NINJ2: variants seen among roughly 807,000 people sequenced by gnomAD.
NINJ2 encodes the protein ninjurin 2.
Under a neutral mutation model 11.7 loss-of-function variants are expected in NINJ2, and 12 were observed. That is an observed-to-expected ratio of 1.02 (90% CI 0.66 to 1.66). NINJ2 has a LOEUF of 1.66. Ranked by LOEUF, NINJ2 falls within the 40% of genes most tolerant of loss-of-function variation. The probability of loss-of-function intolerance (pLI) is 0.00; values close to 1 mark genes in which losing one functional copy is unlikely to be tolerated. For missense variants in NINJ2, 187 were observed against 181.8 expected (o/e 1.03, Z -0.16); for synonymous variants, 93 against 76.8 (o/e 1.21, Z -1.10).
chr12:595,203 T>C (rs1947768220), intron 1 of NINJ2, among the ~76,000 whole-genome samples: 2 of 152,074 alleles, frequency 1.3e-5, no homozygotes, highest in African/African-American at 4.8e-5. Context: ...AAATGGATCA[T>C]AGATCTGCAT....
At chr12:610,500 G>A in intron 1 of NINJ2, 1 of 1,519,094 alleles carries the variant, frequency 6.6e-7, no homozygotes, top group East Asian at 2.5e-5. Flanking sequence ...TTCTGCCCCC[G>A]TGGGTCCCCA....
chr12:610,831 T>A lies in NINJ2; in HGVS notation c.34-44653A>T, dbSNP rs550168129. 4.7e-5 allele frequency among the ~76,000 whole-genome samples: 7 copies of A among 150,234 alleles called. No individual in the cohort carries two copies. In the East Asian group the frequency reaches 1.4e-3, roughly 30 times the overall value. On this transcript the variant is annotated intron_variant, in intron 1 of 3. Coordinates refer to ENST00000305108, the MANE Select transcript of NINJ2 (RefSeq NM_016533.6). ...TCACTGCAACCTCTGCCCTCCAGGTTCCAGTGATTCTCCTGCCTCAGCCTC... is the reference window on the plus strand; with the variant it reads ...TCACTGCAACCTCTGCCCTCCAGGTACCAGTGATTCTCCTGCCTCAGCCTC...
chr12:626,922 C>T (rs1206542507), intron 1 of NINJ2, among the ~76,000 whole-genome samples: 1 of 151,990 alleles, frequency 6.6e-6, no homozygotes, highest in Non-Finnish European at 1.5e-5. Context: ...CCTGTCTCTA[C>T]AAAAATTAAA....
At position 640,511 on chromosome 12, in the gene NINJ2, G is replaced by T. The variant is rs545475718; in HGVS notation, c.33+22817C>A. On this transcript the variant is annotated intron_variant, in intron 1 of 3. Transcript: ENST00000305108. The surrounding 1 kb of genome is among the most constrained non-coding windows in gnomAD (Gnocchi z 4.0). ...TTCTATTCCTCCTTTCTTCTTAATGGTCCTGTTTTTATTTTATTTTGTTTT... is the reference window on the plus strand; with the variant it reads ...TTCTATTCCTCCTTTCTTCTTAATGTTCCTGTTTTTATTTTATTTTGTTTT... Among the ~76,000 whole-genome samples the T allele has an allele frequency of 1.1e-4, 17 of 151,998 alleles. No homozygotes were observed. The highest frequency in any genetic ancestry group is 3.9e-4 in the African/African-American group (16 of 41,444).
intron 1 of NINJ2, among the ~76,000 whole-genome samples, chr12:607,607 T>C (rs778089362): frequency 1.6e-4 from 25 of 152,188 alleles, no homozygotes; most frequent in Non-Finnish European, 3.1e-4. Flanking sequence ...GGTGTGGCCA[T>C]TGGCTGTGAG....
In NINJ2 at chr12:585,530, C is replaced by CGGTTGGAGGGAAGGGAAGGGAAT. The variant is rs1947623676; in HGVS notation, c.34-19353_34-19352insATTCCCTTCCCTTCCCTCCAACC. 1.2e-5 allele frequency among the ~76,000 whole-genome samples: 1 copy of CGGTTGGAGGGAAGGGAAGGGAAT among 85,356 alleles called. No individual in the cohort carries two copies. The highest frequency in any genetic ancestry group is 5.2e-5 in the African/African-American group (1 of 19,348). 56.0% of individuals were successfully genotyped at this position (85,356 alleles called of 152,430 possible). ...AACGGTTGGAGGGAAGGGAAGGGAACGGTTGGAGGGAAGGGAAGGGAACGG... is the reference window on the plus strand; with the variant it reads ...AACGGTTGGAGGGAAGGGAAGGGAACGGTTGGAGGGAAGGGAAGGGAATGGTTGGAGGGAAGGGAAGGGAACGG... On this transcript the variant is annotated intron_variant, in intron 1 of 3. Transcript: ENST00000305108. This position sits in a 1 kb window ranked among gnomAD's most constrained non-coding sequence, Gnocchi z 4.1.
chr12:653,870 T>C (rs1937832913), intron 1 of NINJ2, among the ~76,000 whole-genome samples: 1 of 152,196 alleles, frequency 6.6e-6, no homozygotes, highest in South Asian at 2.1e-4. Flanking sequence ...CTCAACTGTA[T>C]GTTGTCTACA....
Position 646,883 on chromosome 12 carries a change from G to A in NINJ2, c.33+16445C>T, listed in dbSNP as rs1318593123. Among the ~76,000 whole-genome samples, 9 of 152,286 alleles carry A rather than the reference G, an allele frequency of 5.9e-5. No individual in the cohort carries two copies. The East Asian group carries it at 1.7e-3, about 29-fold the overall frequency. ...TGGACAAGGGTTGTGGAAACAGGGA[G>A]TTCACCTCTGGAGAGGCGCAGGGGT... is the stretch of plus-strand genomic sequence containing the variant. On this transcript the variant is annotated intron_variant, in intron 1 of 3. Transcript: ENST00000305108.
At chr12:572,850 ATTTT>A (rs539715060) in intron 1 of NINJ2, among the ~76,000 whole-genome samples, 1,946 of 96,134 alleles carry the variant, frequency 0.02, 44 homozygotes, top group East Asian at 0.13. Context: ...AGAGCCTGTA[ATTTT>A]TTTTTTTTTT....
intron 1 of NINJ2, among the ~76,000 whole-genome samples, chr12:636,416 A>T (rs1444860125): frequency 6.6e-6 from 1 of 151,784 alleles, no homozygotes; most frequent in Non-Finnish European, 1.5e-5. Context: ...AATAAAAATT[A>T]AAAAATAAAA....
chr12:640,592 T>C lies in NINJ2; in HGVS notation c.33+22736A>G, dbSNP rs542868060. ...CAGGCTGGAGTGTAGTGGTGTGATA[T>C]GGGCTCACTGCAACCTCAGCCTCTA... is the stretch of plus-strand genomic sequence containing the variant. On this transcript the variant is annotated intron_variant, in intron 1 of 3. Coordinates refer to ENST00000305108, the MANE Select transcript of NINJ2 (RefSeq NM_016533.6). This position sits in a 1 kb window ranked among gnomAD's most constrained non-coding sequence, Gnocchi z 4.0. Among the ~76,000 whole-genome samples, 1 of 152,246 alleles carries C rather than the reference T, an allele frequency of 6.6e-6. No homozygotes were observed. Among genetic ancestry groups the C allele is most frequent in the African/African-American group, 2.4e-5 (1 of 41,530 alleles).
At chr12:570,384 C>T (rs61919360) in intron 1 of NINJ2, among the ~76,000 whole-genome samples, 10,276 of 152,304 alleles carry the variant, frequency 0.067, 419 homozygotes, top group Middle Eastern at 0.12. Context: ...GCCCTCCCTT[C>T]TAGCGGGAGG....
rs555053783 is a variant in NINJ2, at chr12:631,488, C to T, written c.33+31840G>A. On this transcript the variant is annotated intron_variant, in intron 1 of 3. Coordinates refer to ENST00000305108, the MANE Select transcript of NINJ2 (RefSeq NM_016533.6). ...AAGCGATTCTGCTGCCTCAGCCTCC[C>T]GAGTAGCTGGGAGTACAGGCGCGCG... is the stretch of plus-strand genomic sequence containing the variant. 5.9e-5 allele frequency among the ~76,000 whole-genome samples: 9 copies of T among 152,278 alleles called. No homozygotes were observed. The South Asian group carries it at 1.9e-3, about 32-fold the overall frequency.
At chr12:586,753 AG>A in intron 1 of NINJ2, among the ~76,000 whole-genome samples, 1 of 152,340 alleles carries the variant, frequency 6.6e-6, no homozygotes, top group African/African-American at 2.4e-5. Flanking sequence ...GACTCCCACC[AG>A]GGTCCTTTCC....
intron 1 of NINJ2, among the ~76,000 whole-genome samples, chr12:583,681 T>A (rs1188604611): frequency 6.6e-6 from 1 of 152,192 alleles, no homozygotes; most frequent in Non-Finnish European, 1.5e-5. Flanking sequence ...AACCCTTCTT[T>A]TTTGCTGGGG....
chr12:642,041 C>G (rs1948424551), intron 1 of NINJ2, among the ~76,000 whole-genome samples: 1 of 152,192 alleles, frequency 6.6e-6, no homozygotes, highest in Non-Finnish European at 1.5e-5. Context: ...CGGGAAAGGG[C>G]CCGTATTTCG....
At chr12:571,669 T>C (rs150358046) in intron 1 of NINJ2, among the ~76,000 whole-genome samples, 60 of 152,366 alleles carry the variant, frequency 3.9e-4, no homozygotes, top group Admixed American at 2.6e-3. Context: ...TATCCCTTAA[T>C]CCTTGTTGGC....
At chr12:610,474 G>C in intron 1 of NINJ2, 1 of 1,533,346 alleles carries the variant, frequency 6.5e-7, no homozygotes. Context: ...GAGGAAAAGG[G>C]TCAGCGAGCA....
chr12:593,576 G>A (rs12305617), intron 1 of NINJ2, among the ~76,000 whole-genome samples: 2 of 151,990 alleles, frequency 1.3e-5, no homozygotes, highest in African/African-American at 2.4e-5. Flanking sequence ...TTAGCCAGGC[G>A]TGGTGGTGCA....
Sources: gnomAD v4.1 joint callset for allele counts (sites outside exome capture counted in the v4.1 genomes callset) on GRCh38, gnomAD v4.1.1 for gene constraint, Gnocchi (gnomAD v3.1) non-coding constraint, MANE v1.5 for transcripts, NCBI Gene and HGNC (gene_info 2026-07-23, HGNC 2026-07-21) for gene names.